Variants in GALNT13 observed in about 807,000 individuals in gnomAD.
GALNT13 encodes the protein polypeptide N-acetylgalactosaminyltransferase 13, also known as UDP-GalNAc:polypeptide N-acetylgalactosaminyltransferase 13.
Under a neutral mutation model 64.2 loss-of-function variants are expected in GALNT13, and 28 were observed. The ratio of observed to expected loss-of-function variants is 0.44; its 90% CI spans 0.32 to 0.60. GALNT13 has a LOEUF of 0.60. GALNT13 is among the 20% of genes least tolerant of loss of function. The pLI is 0.05. For synonymous variants in GALNT13, 214 were observed against 224.6 expected (o/e 0.95, Z 0.42); for missense variants, 577 against 669.8 (o/e 0.86, Z 1.53).
At chr2:153,867,690 C>T (rs2105203044), upstream of GALNT13, among the ~76,000 whole-genome samples, 1 of 151,906 alleles carries the variant, frequency 6.6e-6, no homozygotes, top group South Asian at 2.1e-4. Flanking sequence ...GAGCCCTCGG[C>T]TTGTATTCCT....
chr2:153,076,499 T>A, the GALNT13 span, among the ~76,000 whole-genome samples: 1 of 152,218 alleles, frequency 6.6e-6, no homozygotes, highest in East Asian at 1.9e-4. Context: ...ACTTAATTTA[T>A]GTCATAGGGA....
At chr2:154,394,291 T>C (rs1053539800) in intron 9 of GALNT13, among the ~76,000 whole-genome samples, 9 of 152,074 alleles carry the variant, frequency 5.9e-5, no homozygotes, top group Non-Finnish European at 1.3e-4. Flanking sequence ...AAGAATAGTA[T>C]TTCATGACGT....
the GALNT13 span, among the ~76,000 whole-genome samples, chr2:153,628,733 C>T: frequency 6.6e-6 from 1 of 152,072 alleles, no homozygotes; most frequent in Non-Finnish European, 1.5e-5. Flanking sequence ...TGATGTGCTG[C>T]TGGATTTCGT....
the GALNT13 span, among the ~76,000 whole-genome samples, chr2:153,380,872 A>G: frequency 6.6e-6 from 1 of 152,106 alleles, no homozygotes. Context: ...CAGTGACATC[A>G]GGTTTCATAT....
At chr2:153,369,274 A>G in the GALNT13 span, among the ~76,000 whole-genome samples, 2 of 152,124 alleles carry the variant, frequency 1.3e-5, no homozygotes, top group African/African-American at 4.8e-5. Context: ...AGAGCTGACT[A>G]AACTCAAAAC....
chr2:154,226,982 A>G (rs1410588400), intron 4 of GALNT13, among the ~76,000 whole-genome samples: 1 of 152,124 alleles, frequency 6.6e-6, no homozygotes, highest in African/African-American at 2.4e-5. Flanking sequence ...CTGTATGCAG[A>G]GAGACGCTCC....
At chr2:153,381,744 C>A in the GALNT13 span, among the ~76,000 whole-genome samples, 1 of 152,046 alleles carries the variant, frequency 6.6e-6, no homozygotes, top group Non-Finnish European at 1.5e-5. Context: ...TTAAAAATGT[C>A]TAAGAATATC....
chr2:154,022,167 T>G (rs1264953565), intron 3 of GALNT13, among the ~76,000 whole-genome samples: 1 of 152,202 alleles, frequency 6.6e-6, no homozygotes, highest in Non-Finnish European at 1.5e-5. Context: ...AAATTCTCTT[T>G]ATTGATTGTG....
At chr2:153,092,158 T>C in the GALNT13 span, among the ~76,000 whole-genome samples, 1 of 152,168 alleles carries the variant, frequency 6.6e-6, no homozygotes, top group African/African-American at 2.4e-5. Flanking sequence ...ACTCTAGGTG[T>C]GCAGATTTGT....
At chr2:154,203,457 A>G (rs146747958) in intron 4 of GALNT13, among the ~76,000 whole-genome samples, 10 of 152,250 alleles carry the variant, frequency 6.6e-5, no homozygotes, top group Middle Eastern at 3.4e-3. Context: ...CTCTCTCCAT[A>G]TAGATAGAAA....
the GALNT13 span, among the ~76,000 whole-genome samples, chr2:153,468,796 T>C: frequency 6.6e-6 from 1 of 152,064 alleles, no homozygotes; most frequent in African/African-American, 2.4e-5. Flanking sequence ...TGGAGACCTC[T>C]CCTCAAATAC....
At chr2:154,179,175 A>C (rs914004563) in intron 4 of GALNT13, among the ~76,000 whole-genome samples, 1 of 152,166 alleles carries the variant, frequency 6.6e-6, no homozygotes, top group Admixed American at 6.6e-5. Flanking sequence ...TTAAGTAGTA[A>C]CCATTACCAG....
chr2:153,762,394 T>G, the GALNT13 span: 1 of 152,276 alleles, frequency 6.6e-6, no homozygotes, highest in African/African-American at 2.4e-5. Flanking sequence ...ATTGAAGATG[T>G]CCATAGGGGA....
At chr2:153,393,984 ACACACACC>A in the GALNT13 span, among the ~76,000 whole-genome samples, 279 of 93,930 alleles carry the variant, frequency 3.0e-3, no homozygotes, top group South Asian at 9.2e-3. Flanking sequence ...ACACACACAC[ACACACACC>A]CCCTATTGGT....
chr2:154,285,192 C>T (rs1308162810), intron 8 of GALNT13, among the ~76,000 whole-genome samples: 1 of 152,100 alleles, frequency 6.6e-6, no homozygotes, highest in Non-Finnish European at 1.5e-5. Context: ...TCTGTTGTTT[C>T]CTTTGTTATG....
At chr2:153,626,697 A>G in the GALNT13 span, among the ~76,000 whole-genome samples, 1 of 152,144 alleles carries the variant, frequency 6.6e-6, no homozygotes, top group Non-Finnish European at 1.5e-5. Context: ...TTGACAAGCT[A>G]CTGTCTGCAA....
intron 3 of GALNT13, among the ~76,000 whole-genome samples, chr2:154,135,859 A>G (rs1237548375): frequency 6.6e-6 from 1 of 152,166 alleles, no homozygotes; most frequent in African/African-American, 2.4e-5. Flanking sequence ...CAATTACTCA[A>G]ATAATTATCC....
chr2:153,125,242 G>A, the GALNT13 span, among the ~76,000 whole-genome samples: 1 of 152,224 alleles, frequency 6.6e-6, no homozygotes, highest in Non-Finnish European at 1.5e-5. Flanking sequence ...GCAGCCAGGT[G>A]TCTGGTTTCC....
At chr2:153,399,210 G>T in the GALNT13 span, among the ~76,000 whole-genome samples, 3 of 148,580 alleles carry the variant, frequency 2.0e-5, no homozygotes, top group East Asian at 2.0e-4. Flanking sequence ...TTTTTCTCAG[G>T]TTTGTCAAAG....
Sources: gnomAD v4.1 joint callset for allele counts (sites outside exome capture counted in the v4.1 genomes callset) on GRCh38, gnomAD v4.1.1 for gene constraint, MANE v1.5 for transcripts, NCBI Gene and HGNC (gene_info 2026-07-23, HGNC 2026-07-21) for gene names.